CACNB2: variants seen among roughly 807,000 people sequenced by gnomAD.
CACNB2 encodes the protein voltage-dependent L-type calcium channel subunit beta-2.
In CACNB2, 42 loss-of-function variants were observed where a neutral mutation model predicts 73.3. The ratio of observed to expected loss-of-function variants is 0.57; its 90% CI spans 0.45 to 0.74. The LOEUF (loss-of-function observed/expected upper bound fraction) is 0.74, where lower values mean the gene tolerates loss of function less well. Among genes scored for constraint, CACNB2 ranks in the 30% least tolerant of loss-of-function variants. The pLI is 0.00. For synonymous variants in CACNB2, 348 were observed against 310.3 expected (o/e 1.12, Z -1.28); for missense variants, 940 against 853.0 (o/e 1.10, Z -1.27).
chr10:18,354,799 G>C (rs2041846259), intron 2 of CACNB2, among the ~76,000 whole-genome samples: 1 of 152,060 alleles, frequency 6.6e-6, no homozygotes, highest in South Asian at 2.1e-4. Flanking sequence ...GGGTCAGCAG[G>C]GTTCAGAGAA....
intron 2 of CACNB2, among the ~76,000 whole-genome samples, chr10:18,194,777 C>T (rs1451067449): frequency 1.3e-5 from 2 of 152,190 alleles, no homozygotes; most frequent in Non-Finnish European, 2.9e-5. Flanking sequence ...AAATTCTGTG[C>T]TGAAGTCTGT....
At chr10:18,317,028 C>G (rs1343330865) in intron 2 of CACNB2, among the ~76,000 whole-genome samples, 1 of 152,122 alleles carries the variant, frequency 6.6e-6, no homozygotes, top group African/African-American at 2.4e-5. Flanking sequence ...CTTCACAATC[C>G]AGCAAGAATT....
chr10:18,500,764 T>G (rs1352382004), intron 4 of CACNB2, 48 bp from the exon 5 acceptor site: 1 of 1,588,480 alleles, frequency 6.3e-7, no homozygotes, highest in Non-Finnish European at 8.6e-7. Flanking sequence ...AGAACAAGGA[T>G]TTGACCTTCT....
chr10:18,301,942 C>T (rs922908390), intron 2 of CACNB2, among the ~76,000 whole-genome samples: 1 of 152,062 alleles, frequency 6.6e-6, no homozygotes, highest in East Asian at 1.9e-4. Context: ...CCACCGCGCC[C>T]AGCCGCCTGT....
chr10:18,391,407 T>A (rs914003632), intron 2 of CACNB2, among the ~76,000 whole-genome samples: 19 of 152,166 alleles, frequency 1.2e-4, no homozygotes, highest in Non-Finnish European at 2.1e-4. Flanking sequence ...GGGAGAGCTT[T>A]AAACTATAGG....
chr10:18,515,978 T>C (rs2051236017), intron 7 of CACNB2, among the ~76,000 whole-genome samples: 1 of 152,166 alleles, frequency 6.6e-6, no homozygotes, highest in African/African-American at 2.4e-5. Context: ...TTTAGGAGGC[T>C]GAGGCAGGTG....
In CACNB2 at chr10:18,416,594, T is replaced by C. The variant is rs181271905; in HGVS notation, c.333+14551T>C. Reference sequence around the variant, plus strand: ...ATCATGGCCAGCTAATTTTTTTTAGTAGAGACAGGGTTTTGCCATATTGGC... The same window carrying C: ...ATCATGGCCAGCTAATTTTTTTTAGCAGAGACAGGGTTTTGCCATATTGGC... On this transcript the variant is annotated intron_variant, in intron 3 of 13. Transcript: ENST00000324631. Among the ~76,000 whole-genome samples the C allele has an allele frequency of 1.2e-3, 186 of 152,296 alleles. No homozygotes were observed. In the Middle Eastern group the frequency reaches 0.017, roughly 14 times the overall value.
intron 7 of CACNB2, among the ~76,000 whole-genome samples, chr10:18,516,958 T>C (rs2051344125): frequency 6.6e-6 from 1 of 152,218 alleles, no homozygotes; most frequent in South Asian, 2.1e-4. Flanking sequence ...ATATCGTCTG[T>C]GACTACGGGT....
At chr10:18,237,930 G>T (rs1410187242) in intron 2 of CACNB2, among the ~76,000 whole-genome samples, 1 of 152,200 alleles carries the variant, frequency 6.6e-6, no homozygotes, top group South Asian at 2.1e-4. Context: ...TTCACTGAGG[G>T]TTTCATGGCT....
chr10:18,345,537 G>A (rs565139207), intron 2 of CACNB2, among the ~76,000 whole-genome samples: 34 of 152,186 alleles, frequency 2.2e-4, no homozygotes, highest in East Asian at 3.9e-4. Flanking sequence ...ACTCCCATCC[G>A]TCTGTCTCTG....
chr10:18,140,760 G>A lies in CACNB2; in HGVS notation c.24G>A (p.Lys8=). 1 of 1,596,010 alleles carries A rather than the reference G, an allele frequency of 6.3e-7. No individual in the cohort carries two copies. Among genetic ancestry groups the A allele is most frequent in the Non-Finnish European group, 8.5e-7 (1 of 1,172,930 alleles). MVQRDMS[K]SPPTAAAAVA... is the part of the protein sequence containing the mutation. ...CAATGGTCCAAAGGGACATGTCCAA[G>A]TCGCCTCCCACAGCGGCGGCGGCGG... Residue 8 remains lysine, a synonymous_variant, in exon 1 of 14, where the codon AAG becomes AAA. Transcript: ENST00000324631.
At chr10:18,488,253 A>G (rs1327576326) in intron 3 of CACNB2, among the ~76,000 whole-genome samples, 1 of 151,608 alleles carries the variant, frequency 6.6e-6, no homozygotes, top group African/African-American at 2.4e-5. Flanking sequence ...AGGTGGGCGG[A>G]TCACGAGGTC....
At chr10:18,187,227 G>A (rs915365935) in intron 2 of CACNB2, among the ~76,000 whole-genome samples, 26 of 152,276 alleles carry the variant, frequency 1.7e-4, no homozygotes, top group African/African-American at 6.0e-4. Flanking sequence ...TAACTGAGAA[G>A]AACCTACCGT....
chr10:18,450,760 T>G (rs1209630322), intron 3 of CACNB2, among the ~76,000 whole-genome samples: 2 of 151,774 alleles, frequency 1.3e-5, no homozygotes, highest in Non-Finnish European at 2.9e-5. Context: ...GTAGCTGGGA[T>G]TACAGGTGTG....
chr10:18,193,314 G>T (rs1439979460), intron 2 of CACNB2, among the ~76,000 whole-genome samples: 1 of 150,034 alleles, frequency 6.7e-6, no homozygotes, highest in Admixed American at 6.6e-5. Flanking sequence ...ATTTTCCCCA[G>T]CAATAAACAA....
intron 2 of CACNB2, among the ~76,000 whole-genome samples, chr10:18,200,527 T>C (rs530213934): frequency 1.3e-5 from 2 of 152,008 alleles, no homozygotes; most frequent in South Asian, 2.1e-4. Context: ...TATTTTAAAA[T>C]AATAAAATTT....
chr10:18,294,158 G>T (rs1419713688), intron 2 of CACNB2, among the ~76,000 whole-genome samples: 2 of 152,204 alleles, frequency 1.3e-5, no homozygotes, highest in Non-Finnish European at 2.9e-5. Context: ...ACGTTTCCGA[G>T]ACCTGCTTCA....
At chr10:18,442,909 A>AAT (rs150680927) in intron 3 of CACNB2, among the ~76,000 whole-genome samples, 18 of 104,398 alleles carry the variant, frequency 1.7e-4, no homozygotes, top group Admixed American at 6.0e-4. Context: ...ATGTAAAAAC[A>AAT]ATATATATAT....
chr10:18,308,669 G>A (rs61842677), intron 2 of CACNB2, among the ~76,000 whole-genome samples: 15,190 of 152,164 alleles, frequency 0.1, 917 homozygotes, highest in South Asian at 0.19. Context: ...TGGCTCTTGG[G>A]GTCAGAATGA....
Sources: allele counts gnomAD v4.1 joint callset (sites outside exome capture counted in the v4.1 genomes callset), GRCh38; gene constraint gnomAD v4.1.1; transcripts MANE v1.5; gene names NCBI Gene and HGNC (gene_info 2026-07-23, HGNC 2026-07-21).